The following KDM4C variants were observed in gnomAD, a reference collection of about 807,000 sequenced individuals.
The protein encoded by KDM4C is lysine-specific demethylase 4C.
Under a neutral mutation model 129.3 loss-of-function variants are expected in KDM4C, and 81 were observed. That is an observed-to-expected ratio of 0.63 (90% CI 0.52 to 0.75). The LOEUF is 0.75. KDM4C is among the 30% of genes least tolerant of loss of function. KDM4C has a pLI of 0.00. For synonymous variants in KDM4C, 573 were observed against 456.1 expected (o/e 1.26, Z -3.26); for missense variants, 1,457 against 1,304.0 (o/e 1.12, Z -1.81).
At chr9:6,976,796 A>G (rs1324751113) in intron 8 of KDM4C, among the ~76,000 whole-genome samples, 2 of 138,204 alleles carry the variant, frequency 1.4e-5, no homozygotes, top group East Asian at 4.3e-4. Context: ...TCTTAAGGAA[A>G]TAGCAATAAA....
At chr9:6,795,358 G>A (rs951422471) in intron 2 of KDM4C, among the ~76,000 whole-genome samples, 1 of 152,200 alleles carries the variant, frequency 6.6e-6, no homozygotes, top group African/African-American at 2.4e-5. Context: ...TGAGACGGGA[G>A]TCTCGCTCTG....
intron 17 of KDM4C, among the ~76,000 whole-genome samples, chr9:7,054,478 A>G (rs1475202838): frequency 1.3e-5 from 2 of 152,228 alleles, no homozygotes; most frequent in African/African-American, 4.8e-5. Flanking sequence ...TTTTTACAAT[A>G]TAAAAATGAT....
chr9:6,976,818 A>T (rs79852075), intron 8 of KDM4C, among the ~76,000 whole-genome samples: 13 of 150,416 alleles, frequency 8.6e-5, no homozygotes, highest in Admixed American at 7.9e-4. Context: ...ATGTTGTTTG[A>T]TTTTTTTTTT....
chr9:6,941,011 C>G (rs1825839517), intron 8 of KDM4C, among the ~76,000 whole-genome samples: 2 of 150,862 alleles, frequency 1.3e-5, no homozygotes, highest in African/African-American at 4.9e-5. Context: ...TTCCCTCATG[C>G]TTGAGAGAGG....
intron 8 of KDM4C, among the ~76,000 whole-genome samples, chr9:6,965,823 A>G (rs1397393195): frequency 6.6e-6 from 1 of 152,178 alleles, no homozygotes; most frequent in Non-Finnish European, 1.5e-5. Context: ...CAGTAATCGG[A>G]TTATCCAAGT....
chr9:6,933,105 G>A (rs1563837563), intron 8 of KDM4C, among the ~76,000 whole-genome samples: 1 of 152,308 alleles, frequency 6.6e-6, no homozygotes, highest in South Asian at 2.1e-4. Context: ...TGTATTGCAT[G>A]TATCAGATAA....
intron 18 of KDM4C, among the ~76,000 whole-genome samples, chr9:7,124,987 C>G (rs1839884831): frequency 6.6e-6 from 1 of 152,150 alleles, no homozygotes; most frequent in Non-Finnish European, 1.5e-5. Context: ...GCACTAAGCT[C>G]CACCAGCCCC....
At chr9:6,977,636 A>G (rs1833154909) in intron 8 of KDM4C, among the ~76,000 whole-genome samples, 1 of 152,120 alleles carries the variant, frequency 6.6e-6, no homozygotes, top group Non-Finnish European at 1.5e-5. Context: ...AATTCATGTT[A>G]TGGACATTTC....
At chr9:7,093,100 A>T (rs1018466871) in intron 17 of KDM4C, among the ~76,000 whole-genome samples, 2 of 152,160 alleles carry the variant, frequency 1.3e-5, no homozygotes, top group African/African-American at 4.8e-5. Context: ...TCATGACAGA[A>T]AAAGAACATT....
At chr9:6,739,714 G>A (rs1474547774) in intron 1 of KDM4C, among the ~76,000 whole-genome samples, 1 of 150,374 alleles carries the variant, frequency 6.7e-6, no homozygotes, top group East Asian at 2.0e-4. Context: ...AGCCCAGTAA[G>A]CTGGAAGGAA....
chr9:6,806,877 C>T (rs551935321), intron 3 of KDM4C, among the ~76,000 whole-genome samples: 213 of 136,150 alleles, frequency 1.6e-3, no homozygotes, highest in Non-Finnish European at 2.8e-3. Context: ...TCTCCGTCTC[C>T]GTCTCCCTCT....
chr9:7,037,462 A>G (rs562502226), intron 15 of KDM4C, among the ~76,000 whole-genome samples: 15 of 152,294 alleles, frequency 9.8e-5, no homozygotes, highest in African/African-American at 3.6e-4. Context: ...ACCACTGTCA[A>G]TGTTGTGTCA....
chr9:6,757,748 G>C (rs1818481610), upstream of KDM4C: 2 of 985,682 alleles, frequency 2.0e-6, no homozygotes, highest in African/African-American at 1.7e-5. Context: ...CTGTGCACCT[G>C]TTTTCTCCTT....
chr9:7,067,664 T>A (rs1290215067), intron 17 of KDM4C, among the ~76,000 whole-genome samples: 1 of 152,236 alleles, frequency 6.6e-6, no homozygotes, highest in Admixed American at 6.5e-5. Context: ...CCTGTTGTTT[T>A]AGTTACAAAA....
chr9:6,764,720 G>A (rs1305616589), intron 1 of KDM4C, among the ~76,000 whole-genome samples: 4 of 152,130 alleles, frequency 2.6e-5, no homozygotes, highest in South Asian at 2.1e-4. Context: ...GGTTTATATT[G>A]TATATTACTA....
chr9:6,896,101 C>A (rs1403196656), intron 8 of KDM4C, among the ~76,000 whole-genome samples: 4 of 152,158 alleles, frequency 2.6e-5, no homozygotes, highest in African/African-American at 9.7e-5. Flanking sequence ...GTGCACTGGG[C>A]ATACATTTAT....
chr9:6,867,052 T>C (rs1842151243), intron 5 of KDM4C, among the ~76,000 whole-genome samples: 1 of 148,496 alleles, frequency 6.7e-6, no homozygotes, highest in East Asian at 1.9e-4. Context: ...AATCTTGCTC[T>C]GTCACCAGGC....
In KDM4C at chr9:6,855,458, CAAAAAAAAAAAA is replaced by C. The variant is rs34177301; in HGVS notation, c.629+5774_629+5785del. 4.0e-3 allele frequency among the ~76,000 whole-genome samples: 278 copies of C among 70,084 alleles called. 1 individual carries two copies. Among genetic ancestry groups the C allele is most frequent in the African/African-American group, 0.012 (260 of 21,600 alleles). The allele number at this position is 70,084 out of a possible 152,430, so 46.0% of individuals were successfully genotyped here. ...TGGGGAACACAGTGAGACTCCGTCT[CAAAAAAAAAAAA>C]AAAAAAAAAAAAAAAGGAACCCAAT... On this transcript the variant is annotated intron_variant, in intron 5 of 21. Coordinates refer to ENST00000381309, the MANE Select transcript of KDM4C (RefSeq NM_015061.6).
intron 8 of KDM4C, among the ~76,000 whole-genome samples, chr9:6,942,229 TTATTA>T (rs1284833395): frequency 6.6e-6 from 1 of 151,986 alleles, no homozygotes; most frequent in East Asian, 1.9e-4. Context: ...CCCTTTTATT[TTATTA>T]TGTCTGTTTT....
Sources: allele counts gnomAD v4.1 joint callset (sites outside exome capture counted in the v4.1 genomes callset), GRCh38; gene constraint gnomAD v4.1.1; transcripts MANE v1.5; gene names NCBI Gene and HGNC (gene_info 2026-07-23, HGNC 2026-07-21).